The following SEC24D variants were observed in gnomAD, a reference collection of about 807,000 sequenced individuals.
SEC24D encodes the protein protein transport protein Sec24D.
A neutral mutation model predicts 116.9 loss-of-function variants in SEC24D; 69 were observed. The observed-to-expected ratio is 0.59, with a 90% CI of 0.49 to 0.72. The LOEUF (loss-of-function observed/expected upper bound fraction) is 0.72, where lower values mean the gene tolerates loss of function less well. Ranked by LOEUF, SEC24D falls within the 30% of genes least tolerant of loss-of-function variation. SEC24D has a pLI of 0.00. For missense variants in SEC24D, 1,131 were observed against 1,264.1 expected (o/e 0.89, Z 1.60); for synonymous variants, 405 against 442.8 (o/e 0.91, Z 1.07).
intron 8 of SEC24D, among the ~76,000 whole-genome samples, chr4:118,772,028 T>C (rs1727927388): frequency 6.6e-6 from 1 of 152,214 alleles, no homozygotes; most frequent in Admixed American, 6.5e-5. Flanking sequence ...ACAGATTGTA[T>C]TTCCAAAACA....
At position 118,757,789 on chromosome 4, in the gene SEC24D, A is replaced by G; in HGVS notation, c.1353T>C (p.Ser451=). The G allele has an allele frequency of 1.9e-6, 3 of 1,611,696 alleles. No homozygotes were observed. The highest frequency in any genetic ancestry group is 2.5e-6 in the Non-Finnish European group (3 of 1,178,588). The change falls in exon 11 of 23, where the codon AGT becomes AGC. Residue 451 remains serine, a synonymous_variant. Coordinates refer to ENST00000280551, the MANE Select transcript of SEC24D (RefSeq NM_014822.4). ...GCTTGACAAGTCCATTCTTTATGTT[A>G]CTATATGAAACATCAATCATGAAGA... ...AFIFMIDVSY[S]NIKNGLVKLI... is the part of the protein sequence containing the mutation.
Position 118,768,349 on chromosome 4 carries a change from T to C in SEC24D, c.1042-38A>G, listed in dbSNP as rs760198889. 1.7e-5 allele frequency: 26 copies of C among 1,571,902 alleles called. 1 individual carries two copies. The highest frequency in any genetic ancestry group is 1.4e-4 in the Admixed American group (7 of 50,998). ...AAGAAAAATTAAATGAACAGGTGAG[T>C]ATAGGATTTCTAGGTACTATAATTT... On this transcript the variant is annotated intron_variant, in intron 8 of 22. Transcript: ENST00000280551.
At chr4:118,732,261 C>T (rs1055486399) in intron 20 of SEC24D, among the ~76,000 whole-genome samples, 5 of 151,952 alleles carry the variant, frequency 3.3e-5, no homozygotes, top group South Asian at 2.1e-4. Flanking sequence ...CAGCCCCCCA[C>T]GAGTAGCTGG....
Position 118,780,914 on chromosome 4 carries a change from T to A in SEC24D, c.1042-12603A>T, listed in dbSNP as rs1285870319. On this transcript the variant is annotated intron_variant, in intron 8 of 22. Coordinates refer to ENST00000280551, the MANE Select transcript of SEC24D (RefSeq NM_014822.4). ...CTAGGATTGCAACCCCTGCTTTTTT[T>A]TTTTTTTTTTTTTTTTTTGCTTTCC... Among the ~76,000 whole-genome samples the A allele has an allele frequency of 1.4e-3, 188 of 136,498 alleles. 2 individuals are homozygous for A. Among genetic ancestry groups the A allele is most frequent in the African/African-American group, 4.8e-3 (174 of 36,026 alleles). 89.5% of individuals were successfully genotyped at this position (136,498 alleles called of 152,430 possible).
chr4:118,828,702 G>A (rs1164556617), intron 2 of SEC24D, among the ~76,000 whole-genome samples: 2 of 152,188 alleles, frequency 1.3e-5, no homozygotes, highest in Admixed American at 6.5e-5. Flanking sequence ...AGTATGCCCA[G>A]CTGTAATTCC....
rs532787136 is a variant in SEC24D, at chr4:118,740,465, T to A, written c.2238+198A>T. Among the ~76,000 whole-genome samples the A allele has an allele frequency of 3.3e-5, 5 of 152,298 alleles. No individual in the cohort carries two copies. In the East Asian group the frequency reaches 5.8e-4, roughly 18 times the overall value. ...GCATGCAATGACACATAATTGTCAC[T>A]TCATATAAGTAGCAAATATGAATGA... On this transcript the variant is annotated intron_variant, in intron 17 of 22. Coordinates refer to ENST00000280551, the MANE Select transcript of SEC24D (RefSeq NM_014822.4).
At chr4:118,768,395 T>C in intron 8 of SEC24D, 84 bp from the exon 9 acceptor site, 31 of 324,878 alleles carry the variant, frequency 9.5e-5, no homozygotes, top group Middle Eastern at 1.0e-3. Flanking sequence ...TTAATGGCAC[T>C]TTTTTTTTTT....
chr4:118,738,484 A>C lies in SEC24D; in HGVS notation c.2378-105T>G, dbSNP rs551514920. 9 of 785,112 alleles carry C rather than the reference A, an allele frequency of 1.1e-5. No homozygotes were observed. The African/African-American group carries it at 1.4e-4, about 12-fold the overall frequency. 48.6% of individuals were successfully genotyped at this position (785,112 alleles called of 1,614,324 possible). On this transcript the variant is annotated intron_variant, in intron 18 of 22. Coordinates refer to ENST00000280551, the MANE Select transcript of SEC24D (RefSeq NM_014822.4). ...AGTTGCTATTATCTTCAGACCACCC[A>C]GCAAGAATAATAGCATTTAAATCTG...
At chr4:118,800,290 G>T (rs1729377414) in intron 7 of SEC24D, among the ~76,000 whole-genome samples, 1 of 152,230 alleles carries the variant, frequency 6.6e-6, no homozygotes, top group South Asian at 2.1e-4. Flanking sequence ...AATACAGTAT[G>T]TTGGGAAGTT....
rs569856914 is a variant in SEC24D, at chr4:118,805,249, T to C, written c.913+594A>G. Reference sequence around the variant, plus strand: ...GTATACTGATGTTATGCTTCTAGGATTGAGTACATGATCCATTAAAATGGT... The same window carrying C: ...GTATACTGATGTTATGCTTCTAGGACTGAGTACATGATCCATTAAAATGGT... On this transcript the variant is annotated intron_variant, in intron 7 of 22. Transcript: ENST00000280551. 3.9e-5 allele frequency among the ~76,000 whole-genome samples: 6 copies of C among 152,310 alleles called. No homozygotes were observed. The South Asian group carries it at 1.2e-3, about 32-fold the overall frequency.
intron 15 of SEC24D, among the ~76,000 whole-genome samples, chr4:118,742,726 G>C (rs1409169742): frequency 6.6e-6 from 1 of 152,128 alleles, no homozygotes; most frequent in South Asian, 2.1e-4. Context: ...ATTTATGTTG[G>C]AGAATACACC....
chr4:118,809,719 T>C (rs535398265), intron 6 of SEC24D, among the ~76,000 whole-genome samples: 1 of 151,634 alleles, frequency 6.6e-6, no homozygotes, highest in South Asian at 2.1e-4. Flanking sequence ...GTTCTAAGTG[T>C]TAGAGACACA....
chr4:118,743,591 C>T (rs912694866), intron 15 of SEC24D, among the ~76,000 whole-genome samples: 8 of 152,116 alleles, frequency 5.3e-5, no homozygotes, highest in African/African-American at 1.7e-4. Context: ...TTTGAACTCC[C>T]GCCCTCACGT....
intron 13 of SEC24D, among the ~76,000 whole-genome samples, chr4:118,749,507 G>A (rs1431394208): frequency 1.3e-5 from 2 of 152,054 alleles, no homozygotes; most frequent in African/African-American, 2.4e-5. Context: ...TTGAATACAC[G>A]ATAAGAAAGC....
chr4:118,800,518 CAATT>C (rs1245199424), intron 7 of SEC24D, among the ~76,000 whole-genome samples: 2 of 152,062 alleles, frequency 1.3e-5, no homozygotes, highest in Non-Finnish European at 2.9e-5. Flanking sequence ...TAAATAATGA[CAATT>C]AATTCAAATA....
chr4:118,732,049 G>A (rs562409334), intron 20 of SEC24D, among the ~76,000 whole-genome samples: 5 of 152,032 alleles, frequency 3.3e-5, no homozygotes, highest in Admixed American at 6.6e-5. Context: ...GGGAGGGGAG[G>A]GCGGGGCACA....
At chr4:118,802,880 T>C (rs1384198467) in intron 7 of SEC24D, among the ~76,000 whole-genome samples, 1 of 152,104 alleles carries the variant, frequency 6.6e-6, no homozygotes, top group Non-Finnish European at 1.5e-5. Context: ...CAAAATGCAG[T>C]ATGTATAAAA....
rs1308117220 is a variant in SEC24D, at chr4:118,835,991, C to G, written c.-92G>C. The G allele has an allele frequency of 6.6e-6, 1 of 152,284 alleles. No homozygotes were observed. Among genetic ancestry groups the G allele is most frequent in the Non-Finnish European group, 1.5e-5 (1 of 68,120 alleles). 9.4% of individuals were successfully genotyped at this position (152,284 alleles called of 1,614,324 possible). A position where few individuals can be genotyped will look rare whatever the true frequency, so the allele number is the denominator to read the frequency against. The stretch of plus-strand genomic sequence containing the variant: ...GCTTCCGAGCGCTGGCGGCTCTGCG[C>G]CTAGTGCCGGCAGCCCTCGGTGGCC... On this transcript the variant is annotated 5_prime_UTR_variant, in exon 1 of 23. Transcript: ENST00000280551.
intron 11 of SEC24D, among the ~76,000 whole-genome samples, chr4:118,754,733 T>C (rs1460310354): frequency 6.6e-6 from 1 of 152,138 alleles, no homozygotes; most frequent in Non-Finnish European, 1.5e-5. Context: ...AGAACCAGCC[T>C]GGCTAGAAGC....
Sources: allele counts gnomAD v4.1 joint callset (sites outside exome capture counted in the v4.1 genomes callset), GRCh38; gene constraint gnomAD v4.1.1; transcripts MANE v1.5; gene names NCBI Gene and HGNC (gene_info 2026-07-23, HGNC 2026-07-21).